TTLL5: variants seen among roughly 807,000 people sequenced by gnomAD.
TTLL5 encodes the protein tubulin tyrosine ligase like 5.
A neutral mutation model predicts 168.4 loss-of-function variants in TTLL5; 132 were observed. The observed-to-expected ratio is 0.78, with a 90% CI of 0.68 to 0.91. The LOEUF is 0.91. Ranked by LOEUF, TTLL5 falls within the 40% of genes least tolerant of loss-of-function variation. The pLI, the probability that TTLL5 is intolerant of heterozygous loss-of-function variation, is 0.00. For synonymous variants in TTLL5, 546 were observed against 558.6 expected (o/e 0.98, Z 0.32); for missense variants, 1,545 against 1,581.5 (o/e 0.98, Z 0.39).
intron 27 of TTLL5, among the ~76,000 whole-genome samples, chr14:75,812,347 C>T (rs554414259): frequency 3.3e-5 from 5 of 152,276 alleles, no homozygotes; most frequent in African/African-American, 1.2e-4. Flanking sequence ...ACTCACTTAG[C>T]AGCAGCCAGC....
chr14:75,761,234 G>T (rs1251441123), intron 18 of TTLL5, among the ~76,000 whole-genome samples: 1 of 152,084 alleles, frequency 6.6e-6, no homozygotes. Context: ...ATACTAAATG[G>T]TGGTAAGGAT....
chr14:75,819,724 T>G (rs1339282609), intron 27 of TTLL5, among the ~76,000 whole-genome samples: 2 of 152,210 alleles, frequency 1.3e-5, no homozygotes, highest in Admixed American at 1.3e-4. Flanking sequence ...ATTCTTGCTG[T>G]TTTTGTTATC....
At chr14:75,906,668 C>T in intron 31 of TTLL5, 2 of 985,778 alleles carry the variant, frequency 2.0e-6, no homozygotes, top group Non-Finnish European at 2.4e-6. Context: ...GAAGTCAGGG[C>T]CAATTTAAGG....
intron 28 of TTLL5, among the ~76,000 whole-genome samples, chr14:75,860,720 A>G (rs916953562): frequency 3.3e-5 from 5 of 151,894 alleles, no homozygotes; most frequent in Non-Finnish European, 5.9e-5. Context: ...TTGAACCTAG[A>G]TACCTTTCTT....
At chr14:75,873,744 A>G (rs1566640252) in intron 29 of TTLL5, among the ~76,000 whole-genome samples, 1 of 151,958 alleles carries the variant, frequency 6.6e-6, no homozygotes. Flanking sequence ...TTCCTTTTAC[A>G]TCTTGGCTAT....
At chr14:75,730,734 C>T (rs1456561664) in intron 12 of TTLL5, among the ~76,000 whole-genome samples, 1 of 151,888 alleles carries the variant, frequency 6.6e-6, no homozygotes, top group Non-Finnish European at 1.5e-5. Flanking sequence ...TCTAGATTCC[C>T]ATTCTAGGAT....
intron 31 of TTLL5, chr14:75,930,562 A>G (rs2034242177): frequency 7.2e-6 from 7 of 969,746 alleles, no homozygotes; most frequent in Non-Finnish European, 8.6e-6. Context: ...ATCAGCCTGT[A>G]TATATTATTA....
chr14:75,890,134 C>CA (rs1180458297), intron 30 of TTLL5, among the ~76,000 whole-genome samples: 2 of 151,984 alleles, frequency 1.3e-5, no homozygotes, highest in African/African-American at 4.8e-5. Flanking sequence ...CTGAGCTCAG[C>CA]AAAAAAGAGT....
intron 23 of TTLL5, 74 bp downstream of exon 23, chr14:75,776,924 C>A: frequency 8.3e-7 from 1 of 1,210,446 alleles, no homozygotes; most frequent in Non-Finnish European, 1.2e-6. Flanking sequence ...CCCAGCATTC[C>A]TTTGTTTCTG....
At chr14:75,790,512 C>T (rs1369062594) in intron 26 of TTLL5, among the ~76,000 whole-genome samples, 1 of 151,082 alleles carries the variant, frequency 6.6e-6, no homozygotes, top group African/African-American at 2.4e-5. Context: ...CACTCTGTCA[C>T]CCAGGCTGGA....
At chr14:75,798,046 G>A (rs140021458) in intron 27 of TTLL5, among the ~76,000 whole-genome samples, 1 of 152,004 alleles carries the variant, frequency 6.6e-6, no homozygotes, top group East Asian at 1.9e-4. Context: ...AATGCCTGAT[G>A]GAATTCAGCT....
intron 12 of TTLL5, among the ~76,000 whole-genome samples, chr14:75,727,632 C>G (rs1888262716): frequency 6.6e-6 from 1 of 151,942 alleles, no homozygotes; most frequent in Non-Finnish European, 1.5e-5. Context: ...CAAAACTCAC[C>G]AAAATGTATA....
chr14:75,777,938 A>G (rs1054322368), intron 23 of TTLL5, among the ~76,000 whole-genome samples: 1 of 151,946 alleles, frequency 6.6e-6, no homozygotes, highest in Admixed American at 6.6e-5. Context: ...GTATAGTAAC[A>G]GCTTCTCTCA....
chr14:75,900,534 A>C lies in TTLL5; in HGVS notation c.3741-1608A>C, dbSNP rs146017737. Among the ~76,000 whole-genome samples, 626 of 152,190 alleles carry C rather than the reference A, an allele frequency of 4.1e-3. 3 individuals are homozygous for C. Among genetic ancestry groups the C allele is most frequent in the East Asian group, 0.015 (76 of 5,180 alleles). On this transcript the variant is annotated intron_variant, in intron 30 of 31. Coordinates refer to ENST00000298832, the MANE Select transcript of TTLL5 (RefSeq NM_015072.5). The stretch of plus-strand genomic sequence containing the variant: ...CACCTGGGGCACTGTCCCCAGGCTC[A>C]CCTGGAAAGCTGTGTGATTAACAAG...
intron 2 of TTLL5, among the ~76,000 whole-genome samples, chr14:75,666,587 A>T (rs1200145914): frequency 6.6e-6 from 1 of 152,240 alleles, no homozygotes; most frequent in East Asian, 1.9e-4. Flanking sequence ...AGTTCAGAGA[A>T]GGAAGTATCG....
chr14:75,887,893 A>C (rs2032199008), intron 30 of TTLL5, among the ~76,000 whole-genome samples: 3 of 152,200 alleles, frequency 2.0e-5, no homozygotes, highest in African/African-American at 7.2e-5. Flanking sequence ...AATTAATGCC[A>C]CTCGTATTAG....
At chr14:75,761,672 T>G (rs1890659246) in intron 18 of TTLL5, among the ~76,000 whole-genome samples, 2 of 152,208 alleles carry the variant, frequency 1.3e-5, no homozygotes, top group Non-Finnish European at 2.9e-5. Context: ...TGATTGCCTT[T>G]AGGACGTTAG....
intron 20 of TTLL5, among the ~76,000 whole-genome samples, chr14:75,770,179 GAAAAA>G (rs56876692): frequency 1.5e-4 from 13 of 85,030 alleles, no homozygotes; most frequent in South Asian, 4.6e-4. Flanking sequence ...ACTCTGTCTC[GAAAAA>G]AAAAAAAAAA....
At chr14:75,937,203 A>G (rs1258133269) in intron 31 of TTLL5, among the ~76,000 whole-genome samples, 1 of 151,660 alleles carries the variant, frequency 6.6e-6, no homozygotes, top group Non-Finnish European at 1.5e-5. Context: ...TGCAACTGCC[A>G]ACTCCCTGGT....
Sources: gnomAD v4.1 joint callset for allele counts (sites outside exome capture counted in the v4.1 genomes callset) on GRCh38, gnomAD v4.1.1 for gene constraint, MANE v1.5 for transcripts, NCBI Gene and HGNC (gene_info 2026-07-23, HGNC 2026-07-21) for gene names.